MYO3B: variants seen among roughly 807,000 people sequenced by gnomAD.
MYO3B encodes myosin IIIB.
In MYO3B, 156 loss-of-function variants were observed where a neutral mutation model predicts 174.6. That is an observed-to-expected ratio of 0.89 (90% CI 0.78 to 1.02). MYO3B has a LOEUF of 1.02. Ranked by LOEUF, MYO3B falls within the 50% of genes least tolerant of loss-of-function variation. MYO3B has a pLI of 0.00. For synonymous variants in MYO3B, 563 were observed against 569.1 expected (o/e 0.99, Z 0.15); for missense variants, 1,632 against 1,639.4 (o/e 1.00, Z 0.08).
intron 7 of MYO3B, among the ~76,000 whole-genome samples, chr2:170,258,867 A>G (rs1480173671): frequency 6.6e-6 from 1 of 152,200 alleles, no homozygotes; most frequent in African/African-American, 2.4e-5. Flanking sequence ...ACTTCAGTAA[A>G]GCTTCAGGAT....
At chr2:170,365,603 A>G (rs1319139460) in intron 8 of MYO3B, among the ~76,000 whole-genome samples, 1 of 152,120 alleles carries the variant, frequency 6.6e-6, no homozygotes, top group Non-Finnish European at 1.5e-5. Flanking sequence ...TCCATTTCAG[A>G]CTGGCTCTTT....
intron 32 of MYO3B, among the ~76,000 whole-genome samples, chr2:170,637,210 C>T (rs577469579): frequency 9.7e-4 from 141 of 145,968 alleles, no homozygotes; most frequent in Middle Eastern, 3.6e-3. Context: ...ATCACTCTGC[C>T]GTCCAGGCTG....
At chr2:170,204,102 G>A (rs1477686481) in intron 3 of MYO3B, among the ~76,000 whole-genome samples, 1 of 152,102 alleles carries the variant, frequency 6.6e-6, no homozygotes, top group Non-Finnish European at 1.5e-5. Flanking sequence ...GGTTTCAAGT[G>A]ACATAGTTTT....
intron 22 of MYO3B, among the ~76,000 whole-genome samples, chr2:170,413,694 T>G (rs2094560044): frequency 6.6e-6 from 1 of 151,440 alleles, no homozygotes; most frequent in South Asian, 2.1e-4. Context: ...TAAGATGTTT[T>G]GGTTTTTTTC....
rs769884788 is a variant in MYO3B at position 170,542,893 on chromosome 2, G to A, written c.3576-13G>A. 7.5e-5 allele frequency: 118 copies of A among 1,581,938 alleles called. No individual in the cohort carries two copies. The highest frequency in any genetic ancestry group is 1.5e-5 in the Non-Finnish European group (18 of 1,162,314). On this transcript the variant is annotated splice_polypyrimidine_tract_variant and intron_variant, in intron 30 of 34. Coordinates refer to ENST00000408978, the MANE Select transcript of MYO3B (RefSeq NM_138995.5). ...CAAGTCTTTTAAAATTATTATTATT[G>A]TTATCTTTTCAGGCATTCACAAGCC...
intron 32 of MYO3B, among the ~76,000 whole-genome samples, chr2:170,561,362 GTACCCAGAGGATTCTAAACAT>G (rs1242960680): frequency 6.6e-6 from 1 of 152,172 alleles, no homozygotes; most frequent in African/African-American, 2.4e-5. Context: ...CTAGTTATCT[GTACCCAGAGGATTCTAAACAT>G]TGCCCTTAGA....
chr2:170,611,173 G>C lies in MYO3B; in HGVS notation c.3734-40455G>C, dbSNP rs181877858. ...ATGGGATTAGCAGGTCAGCCCCCTC[G>C]GCAACTGGAGGGGCACCACCTAGAT... is the stretch of plus-strand genomic sequence containing the variant. On this transcript the variant is annotated intron_variant, in intron 32 of 34. Coordinates refer to ENST00000408978, the MANE Select transcript of MYO3B (RefSeq NM_138995.5). 4.4e-4 allele frequency among the ~76,000 whole-genome samples: 67 copies of C among 152,150 alleles called. No homozygotes were observed. The East Asian group carries it at 0.01, about 24-fold the overall frequency.
chr2:170,367,909 T>C (rs1438241762), intron 8 of MYO3B, among the ~76,000 whole-genome samples: 1 of 152,196 alleles, frequency 6.6e-6, no homozygotes, highest in Admixed American at 6.5e-5. Flanking sequence ...TGAATGGAGA[T>C]AATTTAGGTT....
At chr2:170,436,133 A>C (rs1489473361) in intron 22 of MYO3B, among the ~76,000 whole-genome samples, 1 of 152,186 alleles carries the variant, frequency 6.6e-6, no homozygotes, top group African/African-American at 2.4e-5. Context: ...TATAAATTCC[A>C]TTAGATGCCT....
At chr2:170,480,020 C>CCT (rs1461003493) in intron 25 of MYO3B, among the ~76,000 whole-genome samples, 2 of 120,488 alleles carry the variant, frequency 1.7e-5, no homozygotes, top group African/African-American at 5.5e-5. Context: ...ATATATTAAA[C>CCT]CTATATATAT....
intron 32 of MYO3B, chr2:170,646,808 G>C (rs1698420151): frequency 1.5e-6 from 1 of 667,940 alleles, no homozygotes; most frequent in African/African-American, 1.9e-5. Context: ...TGAATTAATA[G>C]AGAAGCAGTA....
chr2:170,433,727 C>T (rs1462843257), intron 22 of MYO3B, among the ~76,000 whole-genome samples: 2 of 152,224 alleles, frequency 1.3e-5, no homozygotes, highest in Non-Finnish European at 2.9e-5. Context: ...GTGATTTCAT[C>T]CTGTATCTGT....
chr2:170,287,903 A>G (rs1169629327), intron 7 of MYO3B, among the ~76,000 whole-genome samples: 1 of 152,092 alleles, frequency 6.6e-6, no homozygotes, highest in African/African-American at 2.4e-5. Flanking sequence ...ACTTTTGTGT[A>G]TGGAGAGAGA....
intron 25 of MYO3B, among the ~76,000 whole-genome samples, chr2:170,492,287 G>A (rs1309718594): frequency 3.3e-5 from 5 of 152,132 alleles, no homozygotes; most frequent in Non-Finnish European, 5.9e-5. Flanking sequence ...TAGTTTCCTC[G>A]TATGAATATG....
chr2:170,429,509 A>AT (rs1274695460), intron 22 of MYO3B, among the ~76,000 whole-genome samples: 1 of 152,120 alleles, frequency 6.6e-6, no homozygotes, highest in East Asian at 1.9e-4. Flanking sequence ...CACAGGTGGT[A>AT]TTTTCACTGG....
At chr2:170,428,320 A>C (rs1213864851) in intron 22 of MYO3B, among the ~76,000 whole-genome samples, 1 of 152,206 alleles carries the variant, frequency 6.6e-6, no homozygotes, top group African/African-American at 2.4e-5. Flanking sequence ...TCTGTTGCCT[A>C]CTGAACTGCT....
intron 23 of MYO3B, among the ~76,000 whole-genome samples, chr2:170,457,911 C>T (rs952441111): frequency 1.3e-5 from 2 of 152,078 alleles, no homozygotes. Flanking sequence ...CCCACCACTA[C>T]GCCTGGCTAA....
chr2:170,446,264 G>A (rs535897966), intron 23 of MYO3B, among the ~76,000 whole-genome samples: 150 of 152,272 alleles, frequency 9.9e-4, no homozygotes, highest in African/African-American at 3.4e-3. Context: ...GCTTCCACCA[G>A]TTCTAAAAGG....
chr2:170,633,653 T>G (rs1697220863), intron 32 of MYO3B, among the ~76,000 whole-genome samples: 1 of 152,156 alleles, frequency 6.6e-6, no homozygotes. Flanking sequence ...AGAAACGGTA[T>G]TCAGTTAGGA....
Sources: allele counts gnomAD v4.1 joint callset (sites outside exome capture counted in the v4.1 genomes callset), GRCh38; gene constraint gnomAD v4.1.1; transcripts MANE v1.5; gene names NCBI Gene and HGNC (gene_info 2026-07-23, HGNC 2026-07-21).